The following KIF22 variants were observed in gnomAD, a reference collection of about 807,000 sequenced individuals.
The protein encoded by KIF22 is kinesin family member 22.
In KIF22, 62 loss-of-function variants were observed where a neutral mutation model predicts 73.0. That is an observed-to-expected ratio of 0.85 (90% CI 0.69 to 1.05). KIF22 has a LOEUF of 1.05. KIF22 is among the 50% of genes least tolerant of loss of function. The pLI is 0.00. For missense variants in KIF22, 854 were observed against 870.1 expected, an observed-to-expected ratio of 0.98 and a Z score of 0.23; for synonymous variants, 411 against 340.1, an observed-to-expected ratio of 1.21 and a Z score of -2.29.
Position 29,795,584 on chromosome 16 carries a change from G to C in KIF22, c.71-1309G>C, listed in dbSNP as rs1350826033. Among the ~76,000 whole-genome samples, 5 of 152,346 alleles carry C rather than the reference G, an allele frequency of 3.3e-5. No homozygotes were observed. In the East Asian group the frequency reaches 9.6e-4, roughly 29 times the overall value. ...GCATCCTATTAAAAGCAGATTTTTA[G>C]AGGGGAAGAGATCTAGGTTTGAATT... is the stretch of plus-strand genomic sequence containing the variant. On this transcript the variant is annotated intron_variant, in intron 1 of 13. Transcript: ENST00000160827.
intron 1 of KIF22, 24 bp from the exon 2 acceptor site, chr16:29,796,869 T>A: frequency 1.9e-6 from 3 of 1,612,812 alleles, no homozygotes; most frequent in Non-Finnish European, 2.5e-6. Flanking sequence ...ACTTCATGTC[T>A]AAAAGTGATC....
At chr16:29,795,230 G>A (rs981352333) in intron 1 of KIF22, among the ~76,000 whole-genome samples, 6 of 152,200 alleles carry the variant, frequency 3.9e-5, no homozygotes, top group African/African-American at 1.4e-4. Flanking sequence ...TTGCCATGAG[G>A]AACAAATGAG....
intron 8 of KIF22, among the ~76,000 whole-genome samples, chr16:29,801,300 C>A (rs762543826): frequency 2.6e-5 from 4 of 152,184 alleles, no homozygotes; most frequent in African/African-American, 7.2e-5. Context: ...CCCTCCACCC[C>A]CCAGGAGCCA....
rs1898973763 is a variant in KIF22, at chr16:29,797,123, T to C, written c.266+35T>C. 8 of 1,481,644 alleles carry C rather than the reference T, an allele frequency of 5.4e-6. No homozygotes were observed. The highest frequency in any genetic ancestry group is 7.3e-6 in the Non-Finnish European group (8 of 1,093,552). 91.8% of individuals were successfully genotyped at this position (1,481,644 alleles called of 1,614,324 possible). ...AGGCCACTCCTCTTCCCTCATGCCA[T>C]CACCTCCCTCTCCTAGGCCTGCCCA... On this transcript the variant is annotated intron_variant, in intron 2 of 13. Coordinates refer to ENST00000160827, the MANE Select transcript of KIF22 (RefSeq NM_007317.3). The surrounding 1 kb of genome is among the most constrained non-coding windows in gnomAD (Gnocchi z 4.1).
intron 13 of KIF22, 25 bp from the exon 14 acceptor site, chr16:29,805,238 T>A (rs1460175449): frequency 6.2e-7 from 1 of 1,613,922 alleles, no homozygotes; most frequent in African/African-American, 1.3e-5. Context: ...CTAACGTCGC[T>A]GTCTCCCTCC....
chr16:29,798,327 CA>C lies in KIF22; in HGVS notation c.267-46del. On this transcript the variant is annotated intron_variant, in intron 2 of 13. Coordinates refer to ENST00000160827, the MANE Select transcript of KIF22 (RefSeq NM_007317.3). This position sits in a 1 kb window ranked among gnomAD's most constrained non-coding sequence, Gnocchi z 4.1. ...ACTCCACCCCTTACACACACACACA[CA>C]CACACACACACACACACACGCTAAT... 6.5e-7 allele frequency: 1 copy of C among 1,542,362 alleles called. No homozygotes were observed.
At position 29,797,346 on chromosome 16, in the gene KIF22, G is replaced by A. The variant is rs990894515; in HGVS notation, c.266+258G>A. On this transcript the variant is annotated intron_variant, in intron 2 of 13. Coordinates refer to ENST00000160827, the MANE Select transcript of KIF22 (RefSeq NM_007317.3). This position sits in a 1 kb window ranked among gnomAD's most constrained non-coding sequence, Gnocchi z 4.1. ...GGAGGAGCAATGAGGGTGAGCAGGT[G>A]AGCCCCAAGTAGAGGCTGGGGGACA... Among the ~76,000 whole-genome samples, 3 of 152,120 alleles carry A rather than the reference G, an allele frequency of 2.0e-5. No individual in the cohort carries two copies. Among genetic ancestry groups the A allele is most frequent in the African/African-American group, 4.8e-5 (2 of 41,416 alleles).
rs996768679 is a variant in KIF22 at position 29,803,506 on chromosome 16, G to A, written c.1507G>A (p.Glu503Lys). The A allele has an allele frequency of 1.9e-6, 3 of 1,614,192 alleles. No homozygotes were observed. The highest frequency in any genetic ancestry group is 4.5e-5 in the East Asian group (2 of 44,884). Reference sequence around the variant, plus strand: ...CAAGATGTTGGCCCAGAAGGCTGAGGAAAAGGAGAACCATTGTCCCACAAT... The same window carrying A: ...CAAGATGTTGGCCCAGAAGGCTGAGAAAAAGGAGAACCATTGTCCCACAAT... Reference protein sequence around the residue: ...EAKMLAQKAEEKENHCPTMLR... With the variant: ...EAKMLAQKAEKKENHCPTMLR... The change falls in exon 10 of 14, where the codon GAA becomes AAA. Residue 503 changes from glutamate to lysine, a missense_variant. Physicochemically the swap from Glu to Lys is moderately conservative, Grantham distance 56. Coordinates refer to ENST00000160827, the MANE Select transcript of KIF22 (RefSeq NM_007317.3).
Position 29,798,410 on chromosome 16 carries a change from G to T in KIF22, c.303G>T (p.Gln101His). ...DAFYGERSTQ[Q>H]DIYAGSVQPI... ...TCTATGGGGAGAGGAGTACTCAGCA[G>T]GACATCTATGCAGGTTCAGTGCAGC... The change falls in exon 3 of 14, where the codon CAG becomes CAT. Residue 101 changes from glutamine to histidine, a missense_variant. Coordinates refer to ENST00000160827, the MANE Select transcript of KIF22 (RefSeq NM_007317.3). The surrounding 1 kb of genome is among the most constrained non-coding windows in gnomAD (Gnocchi z 4.1). The T allele has an allele frequency of 1.3e-6, 2 of 1,597,540 alleles. No homozygotes were observed. The highest frequency in any genetic ancestry group is 1.7e-6 in the Non-Finnish European group (2 of 1,169,928).
chr16:29,791,138 G>A, intron 1 of KIF22: 2 of 1,320,280 alleles, frequency 1.5e-6, no homozygotes, highest in Non-Finnish European at 1.9e-6. Context: ...GGGGGTCATG[G>A]CCTCATCCCT....
rs202226507 is a variant in KIF22 at position 29,798,987 on chromosome 16, C to T, written c.562C>T (p.Leu188=). The T allele has an allele frequency of 9.9e-6, 16 of 1,614,198 alleles. No individual in the cohort carries two copies. In the East Asian group the frequency reaches 3.3e-4, roughly 34 times the overall value. Reference sequence around the variant, plus strand: ...ACTGCTTACACAGGTATTAGACCTCCTGGACCCTGCTTCGGGAGACCTGGT... The same window carrying T: ...ACTGCTTACACAGGTATTAGACCTCTTGGACCCTGCTTCGGGAGACCTGGT... ...EIYQEKVLDL[L]DPASGDLVIR... is the part of the protein sequence containing the mutation. Residue 188 remains leucine (L), a synonymous_variant, in exon 5 of 14, where the codon CTG becomes TTG. Coordinates refer to ENST00000160827, the MANE Select transcript of KIF22 (RefSeq NM_007317.3). The surrounding 1 kb of genome is among the most constrained non-coding windows in gnomAD (Gnocchi z 4.1).
rs773857563 is a variant in KIF22 at position 29,804,838 on chromosome 16, C to T, written c.1702C>T (p.Pro568Ser). ...RKLESLDALE[P>S]EEKAEDCWEL... is the part of the protein sequence containing the mutation. ...GCTGGAGTCCCTGGATGCCCTAGAG[C>T]CTGAGGAGAAGGCTGAGGACTGCTG... Residue 568 changes from proline (P) to serine (S), a missense_variant, in exon 12 of 14, where the codon CCT (proline) becomes TCT (serine). Transcript: ENST00000160827. The T allele has an allele frequency of 1.2e-6, 2 of 1,612,230 alleles. No homozygotes were observed. Among genetic ancestry groups the T allele is most frequent in the Non-Finnish European group, 1.7e-6 (2 of 1,179,378 alleles).
In KIF22 at chr16:29,799,049, G is replaced by A. The variant is rs781770633; in HGVS notation, c.624G>A (p.Pro208=). The A allele has an allele frequency of 8.1e-6, 13 of 1,614,166 alleles. No individual in the cohort carries two copies. Among genetic ancestry groups the A allele is most frequent in the South Asian group, 2.2e-5 (2 of 91,084 alleles). ...ACTGCCGGGGGAATATCCTGATTCC[G>A]GGTCTCTCCCAGAAGCCCATCAGTA... is the stretch of plus-strand genomic sequence containing the variant. ...REDCRGNILI[P]GLSQKPISSF... The change falls in exon 5 of 14, where the codon CCG becomes CCA. Residue 208 remains proline (P), a synonymous_variant. Transcript: ENST00000160827.
chr16:29,798,531 G>GGTCA lies in KIF22; in HGVS notation c.394+32_394+35dup. The GGTCA allele has an allele frequency of 6.2e-7, 1 of 1,613,876 alleles. No homozygotes were observed. Among genetic ancestry groups the GGTCA allele is most frequent in the South Asian group, 1.1e-5 (1 of 91,078 alleles). Reference sequence around the variant, plus strand: ...GGGAGCCAGAAAAGAAACAGCTATGGGTCAGAAAGGGCTGGGGAAACGGAG... The same window carrying GGTCA: ...GGGAGCCAGAAAAGAAACAGCTATGGGTCAGTCAGAAAGGGCTGGGGAAACGGAG... On this transcript the variant is annotated intron_variant, in intron 3 of 13. Transcript: ENST00000160827. This position sits in a 1 kb window ranked among gnomAD's most constrained non-coding sequence, Gnocchi z 4.1.
At position 29,798,333 on chromosome 16, in the gene KIF22, C is replaced by G; in HGVS notation, c.267-41C>G. The G allele has an allele frequency of 3.2e-6, 5 of 1,568,834 alleles. No homozygotes were observed. Among genetic ancestry groups the G allele is most frequent in the Non-Finnish European group, 4.3e-6 (5 of 1,157,546 alleles). The stretch of plus-strand genomic sequence containing the variant: ...CCCCTTACACACACACACACACACA[C>G]ACACACACACACACGCTAATTTCTT... On this transcript the variant is annotated intron_variant, in intron 2 of 13. Coordinates refer to ENST00000160827, the MANE Select transcript of KIF22 (RefSeq NM_007317.3). The surrounding 1 kb of genome is among the most constrained non-coding windows in gnomAD (Gnocchi z 4.1).
At position 29,793,801 on chromosome 16, in the gene KIF22, G is replaced by A. The variant is rs567732966; in HGVS notation, c.70+2972G>A. On this transcript the variant is annotated intron_variant, in intron 1 of 13. Transcript: ENST00000160827. ...ATGCTGGTCTAGAGAAAGGATAGAC[G>A]GATCCTAGGATGAGGAGTGAACAGA... Among the ~76,000 whole-genome samples the A allele has an allele frequency of 1.8e-3, 267 of 152,224 alleles. 2 individuals carry two copies. Among genetic ancestry groups the A allele is most frequent in the Non-Finnish European group, 2.9e-3 (195 of 67,996 alleles).
At position 29,799,921 on chromosome 16, in the gene KIF22, C is replaced by G. The variant is rs912948255; in HGVS notation, c.1153C>G (p.Pro385Ala). The G allele has an allele frequency of 6.2e-7, 1 of 1,614,108 alleles. No homozygotes were observed. ...ATCCTCCAATCATCTAGCCTTGGGACCTGTTAAGCTGTCTCAGAAAGAATT... is the reference window on the plus strand; with the variant it reads ...ATCCTCCAATCATCTAGCCTTGGGAGCTGTTAAGCTGTCTCAGAAAGAATT... The part of the protein sequence containing the change: ...NESLQPHALG[P>A]VKLSQKELLG... The change falls in exon 8 of 14, where the codon CCT (proline) becomes GCT (alanine). Residue 385 changes from proline (P) to alanine (A), a missense_variant. Physicochemically the swap from Pro to Ala is conservative, Grantham distance 27. Transcript: ENST00000160827.
At chr16:29,791,362 G>C (rs1358935588) in intron 1 of KIF22, 1 of 468,940 alleles carries the variant, frequency 2.1e-6, no homozygotes, top group Admixed American at 6.4e-5. Flanking sequence ...TGCGATTACA[G>C]GAAAACGAAA....
At position 29,804,995 on chromosome 16, in the gene KIF22, G is replaced by C. The variant is rs763370735; in HGVS notation, c.1859G>C (p.Gly620Ala). 1 of 1,610,414 alleles carries C rather than the reference G, an allele frequency of 6.2e-7. No individual in the cohort carries two copies. The highest frequency in any genetic ancestry group is 8.5e-7 in the Non-Finnish European group (1 of 1,178,412). ...CCGAAGAAGGCCCAGCTAATCGTGG[G>C]CTGGCGGGAGCTCCACGGCCCCTTC... ...IGPKKAQLIV[G>A]WRELHGPFSQ... Residue 620 changes from glycine to alanine, a missense_variant, in exon 12 of 14, where the codon GGC becomes GCC. Transcript: ENST00000160827.
Sources: allele counts gnomAD v4.1 joint callset (sites outside exome capture counted in the v4.1 genomes callset), GRCh38; gene constraint gnomAD v4.1.1; non-coding constraint Gnocchi (gnomAD v3.1); transcripts MANE v1.5; gene names NCBI Gene and HGNC (gene_info 2026-07-23, HGNC 2026-07-21).